The following FAF1 variants were observed in gnomAD, a reference collection of about 807,000 sequenced individuals.
FAF1 encodes FAS-associated factor 1.
Under a neutral mutation model 92.5 loss-of-function variants are expected in FAF1, and 25 were observed. The ratio of observed to expected loss-of-function variants is 0.27; its 90% CI spans 0.20 to 0.38. The LOEUF (loss-of-function observed/expected upper bound fraction) is 0.38. Ranked by LOEUF, FAF1 falls within the 10% of genes least tolerant of loss-of-function variation. The pLI is 1.00. For synonymous variants in FAF1, 234 were observed against 273.2 expected (o/e 0.86, Z 1.42); for missense variants, 636 against 793.3 (o/e 0.80, Z 2.38).
intron 15 of FAF1, among the ~76,000 whole-genome samples, chr1:50,526,637 T>C (rs1343078860): frequency 6.6e-6 from 1 of 151,754 alleles, no homozygotes; most frequent in East Asian, 2.0e-4. Context: ...AATGCTACTA[T>C]AAACAGTCAT....
intron 1 of FAF1, among the ~76,000 whole-genome samples, chr1:50,888,646 G>A (rs1644690739): frequency 6.6e-6 from 1 of 152,130 alleles, no homozygotes; most frequent in South Asian, 2.1e-4. Flanking sequence ...CTTTGGTTCT[G>A]TTTATATGCT....
At chr1:50,889,716 T>G (rs1165101957) in intron 1 of FAF1, among the ~76,000 whole-genome samples, 2 of 152,368 alleles carry the variant, frequency 1.3e-5, no homozygotes, top group East Asian at 3.9e-4. Flanking sequence ...TTGATTGCAC[T>G]GTGGTCTGAG....
intron 2 of FAF1, among the ~76,000 whole-genome samples, chr1:50,810,851 C>T (rs1643901480): frequency 6.6e-6 from 1 of 152,164 alleles, no homozygotes; most frequent in Non-Finnish European, 1.5e-5. Context: ...GAGTTTGAGG[C>T]CAGCGTGGCC....
intron 7 of FAF1, among the ~76,000 whole-genome samples, chr1:50,665,067 C>T (rs991206120): frequency 6.6e-6 from 1 of 152,188 alleles, no homozygotes; most frequent in Non-Finnish European, 1.5e-5. Flanking sequence ...CTTAAAATCT[C>T]ATTTAAAAAT....
At chr1:50,602,034 G>C (rs919995078) in intron 8 of FAF1, among the ~76,000 whole-genome samples, 1 of 152,028 alleles carries the variant, frequency 6.6e-6, no homozygotes, top group Non-Finnish European at 1.5e-5. Context: ...TGGCCTCTCA[G>C]ATCCCTTCTA....
chr1:50,926,937 G>T (rs932188496), intron 1 of FAF1, among the ~76,000 whole-genome samples: 11 of 152,142 alleles, frequency 7.2e-5, no homozygotes, highest in African/African-American at 2.7e-4. Flanking sequence ...CCTTAAAAAG[G>T]CAAGAAATTC....
chr1:50,755,968 T>C (rs1050136728), intron 4 of FAF1, among the ~76,000 whole-genome samples: 1 of 152,198 alleles, frequency 6.6e-6, no homozygotes, highest in Admixed American at 6.5e-5. Context: ...TTTCTAGGCC[T>C]CTGGGTCTGT....
intron 8 of FAF1, among the ~76,000 whole-genome samples, chr1:50,608,299 T>C (rs1652521595): frequency 6.6e-6 from 1 of 152,142 alleles, no homozygotes; most frequent in Admixed American, 6.5e-5. Context: ...CCTGTCCCTA[T>C]TTTAGCTAGT....
intron 9 of FAF1, among the ~76,000 whole-genome samples, chr1:50,589,855 TATG>T (rs1651420780): frequency 6.6e-6 from 1 of 152,228 alleles, no homozygotes; most frequent in African/African-American, 2.4e-5. Context: ...TAGTTTTGCA[TATG>T]ATATTAGGTA....
intron 6 of FAF1, among the ~76,000 whole-genome samples, chr1:50,709,331 T>A (rs1195740870): frequency 6.6e-6 from 1 of 152,232 alleles, no homozygotes; most frequent in South Asian, 2.1e-4. Context: ...TTGCTTTGTT[T>A]CATGTGTGGA....
intron 1 of FAF1, among the ~76,000 whole-genome samples, chr1:50,899,169 T>G (rs907455524): frequency 6.6e-6 from 1 of 152,354 alleles, no homozygotes; most frequent in African/African-American, 2.4e-5. Context: ...TCTCACTCAT[T>G]GCATTTTTCA....
At chr1:50,896,626 G>A (rs922596158) in intron 1 of FAF1, among the ~76,000 whole-genome samples, 9 of 152,112 alleles carry the variant, frequency 5.9e-5, no homozygotes, top group South Asian at 4.1e-4. Flanking sequence ...TCTGACATAC[G>A]CTACAACATG....
At chr1:50,812,240 A>C (rs1643922780) in intron 2 of FAF1, among the ~76,000 whole-genome samples, 1 of 152,220 alleles carries the variant, frequency 6.6e-6, no homozygotes, top group Non-Finnish European at 1.5e-5. Flanking sequence ...TGCACAGCAA[A>C]AGAAACTATT....
chr1:50,516,302 T>C (rs1027186214), intron 15 of FAF1, among the ~76,000 whole-genome samples: 1 of 152,208 alleles, frequency 6.6e-6, no homozygotes, highest in Admixed American at 6.5e-5. Context: ...CTTATTCTTC[T>C]GAACTTCCTT....
chr1:50,481,962 A>G (rs1646709025), intron 17 of FAF1, among the ~76,000 whole-genome samples: 1 of 152,154 alleles, frequency 6.6e-6, no homozygotes, highest in Non-Finnish European at 1.5e-5. Context: ...TAGATCATAT[A>G]TGGCTTTGGG....
chr1:50,865,786 T>C (rs2124675005), intron 1 of FAF1, among the ~76,000 whole-genome samples: 1 of 145,730 alleles, frequency 6.9e-6, no homozygotes, highest in East Asian at 2.0e-4. Context: ...CATGTATACA[T>C]ATGTAACTAA....
chr1:50,803,036 C>T (rs1331395390), intron 2 of FAF1, among the ~76,000 whole-genome samples: 1 of 152,152 alleles, frequency 6.6e-6, no homozygotes, highest in East Asian at 1.9e-4. Context: ...TTAACATAGA[C>T]AATAGATACC....
At chr1:50,536,099 A>G (rs1385894814) in intron 14 of FAF1, among the ~76,000 whole-genome samples, 1 of 152,138 alleles carries the variant, frequency 6.6e-6, no homozygotes, top group Non-Finnish European at 1.5e-5. Context: ...TAGTAATTCA[A>G]TTTCTGAAAA....
At chr1:50,645,065 AT>A (rs1654521867) in intron 8 of FAF1, among the ~76,000 whole-genome samples, 3 of 152,108 alleles carry the variant, frequency 2.0e-5, no homozygotes, top group Non-Finnish European at 4.4e-5. Context: ...TGTTCTTTCC[AT>A]CTGTTTAGTC....
Sources: allele counts gnomAD v4.1 joint callset (sites outside exome capture counted in the v4.1 genomes callset), GRCh38; gene constraint gnomAD v4.1.1; transcripts MANE v1.5; gene names NCBI Gene and HGNC (gene_info 2026-07-23, HGNC 2026-07-21).